Variants in NEMP2 observed in about 807,000 individuals in gnomAD.
NEMP2 encodes UPF0571 transmembrane protein.
A neutral mutation model predicts 54.2 loss-of-function variants in NEMP2; 53 were observed. The observed-to-expected ratio is 0.98, with a 90% CI of 0.78 to 1.23. The LOEUF (loss-of-function observed/expected upper bound fraction) is 1.23. NEMP2 is among the 50% of genes most tolerant of loss of function. The probability of loss-of-function intolerance (pLI) is 0.00; values close to 1 mark genes in which losing one functional copy is unlikely to be tolerated. For missense variants in NEMP2, 455 were observed against 511.3 expected (o/e 0.89, Z 1.06); for synonymous variants, 197 against 190.3 (o/e 1.04, Z -0.29).
At chr2:190,464,119 C>T in the NEMP2 span, among the ~76,000 whole-genome samples, 5 of 152,188 alleles carry the variant, frequency 3.3e-5, no homozygotes, top group Admixed American at 2.6e-4. Context: ...ACCCTGGCCT[C>T]GAGCAACCTT....
the NEMP2 span, chr2:190,553,340 C>G: frequency 6.6e-6 from 1 of 152,202 alleles, no homozygotes; most frequent in Admixed American, 6.5e-5. Flanking sequence ...AAAGTGTTCA[C>G]TTTTCCACCA....
the NEMP2 span, among the ~76,000 whole-genome samples, chr2:190,485,355 A>G: frequency 6.6e-6 from 1 of 152,196 alleles, no homozygotes; most frequent in African/African-American, 2.4e-5. This position sits in a 1 kb window ranked among gnomAD's most constrained non-coding sequence, Gnocchi z 5.1. Flanking sequence ...TACACATAAC[A>G]AGAGGTTTGG....
chr2:190,436,649 A>G, the NEMP2 span: 3 of 1,614,218 alleles, frequency 1.9e-6, no homozygotes, highest in South Asian at 1.1e-5. The surrounding 1 kb of genome is among the most constrained non-coding windows in gnomAD (Gnocchi z 5.3). Context: ...ACAAGGCTCA[A>G]TGTCTCAGAC....
At chr2:190,502,628 T>C (rs906387058), downstream of NEMP2, among the ~76,000 whole-genome samples, 4 of 152,222 alleles carry the variant, frequency 2.6e-5, no homozygotes, top group Non-Finnish European at 5.9e-5. The surrounding 1 kb of genome is among the most constrained non-coding windows in gnomAD (Gnocchi z 4.4). Flanking sequence ...AATCCTGCCA[T>C]GGGTCACATG....
chr2:190,500,048 G>T (rs749101027), downstream of NEMP2: 35 of 1,614,060 alleles, frequency 2.2e-5, no homozygotes, highest in Non-Finnish European at 2.9e-5. The surrounding 1 kb of genome is among the most constrained non-coding windows in gnomAD (Gnocchi z 5.3). Flanking sequence ...TTCTCCTGCT[G>T]GTAGAGCCCA....
At chr2:190,481,099 A>G in the NEMP2 span, among the ~76,000 whole-genome samples, 1 of 152,198 alleles carries the variant, frequency 6.6e-6, no homozygotes, top group Non-Finnish European at 1.5e-5. Flanking sequence ...AGCAGTTCTC[A>G]TGTGTGGCTT....
chr2:190,643,086 T>C, the NEMP2 span, among the ~76,000 whole-genome samples: 1 of 142,812 alleles, frequency 7.0e-6, no homozygotes, highest in Non-Finnish European at 1.5e-5. Context: ...GCTAAAATAA[T>C]GCACTAATCA....
downstream of NEMP2, chr2:190,501,132 TC>T (rs1690003806): frequency 6.6e-6 from 1 of 152,210 alleles, no homozygotes; most frequent in Admixed American, 6.5e-5. Context: ...TCCTAAGAGT[TC>T]CTTAAATAAG....
At chr2:190,629,088 C>T in the NEMP2 span, among the ~76,000 whole-genome samples, 15 of 152,256 alleles carry the variant, frequency 9.9e-5, no homozygotes, top group Admixed American at 9.8e-4. Context: ...GTCCTAGCTG[C>T]GCCTGGCCCT....
chr2:190,449,507 CA>C, the NEMP2 span, among the ~76,000 whole-genome samples: 1 of 152,016 alleles, frequency 6.6e-6, no homozygotes, highest in Admixed American at 6.6e-5. Flanking sequence ...CTGTGTCCAA[CA>C]ACTTTGATTT....
At chr2:190,636,449 A>T in the NEMP2 span, among the ~76,000 whole-genome samples, 1 of 152,240 alleles carries the variant, frequency 6.6e-6, no homozygotes, top group Admixed American at 6.5e-5. Context: ...GAAGAATACC[A>T]TATTGGAGGC....
chr2:190,488,802 G>A, the NEMP2 span: 10 of 1,572,030 alleles, frequency 6.4e-6, no homozygotes, highest in Non-Finnish European at 7.7e-6. This position sits in a 1 kb window ranked among gnomAD's most constrained non-coding sequence, Gnocchi z 6.4. Context: ...TCGGAGGCGT[G>A]TTAGTCAATT....
rs1205428040 is a variant in NEMP2, at chr2:190,514,653, G to A, written c.753C>T (p.Phe251=). 2 of 1,551,598 alleles carry A rather than the reference G, an allele frequency of 1.3e-6. No individual in the cohort carries two copies. The highest frequency in any genetic ancestry group is 1.7e-6 in the Non-Finnish European group (2 of 1,146,972). Residue 251 remains phenylalanine, a synonymous_variant, in exon 7 of 9, where the codon TTC becomes TTT. Coordinates refer to ENST00000409150, the MANE Select transcript of NEMP2 (RefSeq NM_001142645.2). This position sits in a 1 kb window ranked among gnomAD's most constrained non-coding sequence, Gnocchi z 5.7. ...VLGYVLIVGF[F]SFVVCYKHGP... ...CATGCTTGTAACAAACAACAAAGCT[G>A]AAAAATCCAACTATCAAGACATAGC...
the NEMP2 span, among the ~76,000 whole-genome samples, chr2:190,557,958 CAA>C: frequency 1.2e-4 from 18 of 152,196 alleles, no homozygotes; most frequent in Non-Finnish European, 1.3e-4. Flanking sequence ...TGTGACCTAA[CAA>C]TCCCATTCCT....
Position 190,517,592 on chromosome 2 carries a change from G to A in NEMP2, c.540C>T (p.Ser180=), listed in dbSNP as rs1253567635. The change falls in exon 5 of 9, where the codon TCC becomes TCT. Residue 180 remains serine (S), a synonymous_variant. Transcript: ENST00000409150. ...TLSQSPTFYY[S]SGTVLGVLMT... The stretch of plus-strand genomic sequence containing the variant: ...TTAGAACACCTAGCACAGTTCCCGA[G>A]GAGTAATAGAAAGTAGGGCTTCTGT... The A allele has an allele frequency of 6.5e-7, 1 of 1,549,178 alleles. No homozygotes were observed. Among genetic ancestry groups the A allele is most frequent in the Non-Finnish European group, 8.7e-7 (1 of 1,146,096 alleles).
rs781243169 is a variant in NEMP2, at chr2:190,509,359, G to A, written c.1131-47C>T. ...ATAAAGTTAATGTTATCTCAGGAAG[G>A]TTTATTTGAAAGATAACATGTTCCC... On this transcript the variant is annotated intron_variant, in intron 8 of 8. Transcript: ENST00000409150. This position sits in a 1 kb window ranked among gnomAD's most constrained non-coding sequence, Gnocchi z 6.1. 1 of 1,538,540 alleles carries A rather than the reference G, an allele frequency of 6.5e-7. No individual in the cohort carries two copies. Among genetic ancestry groups the A allele is most frequent in the Admixed American group, 2.0e-5 (1 of 50,654 alleles).
At chr2:190,551,970 C>T in the NEMP2 span, among the ~76,000 whole-genome samples, 1 of 152,160 alleles carries the variant, frequency 6.6e-6, no homozygotes, top group Non-Finnish European at 1.5e-5. Context: ...TGGTATTTCT[C>T]TTTAGTGTGA....
At position 190,529,398 on chromosome 2, in the gene NEMP2, A is replaced by G. The variant is rs10931459; in HGVS notation, c.98-4020T>C. Among the ~76,000 whole-genome samples the G allele has an allele frequency of 0.22, 34,124 of 151,778 alleles. 4,916 individuals are homozygous for G. Among genetic ancestry groups the G allele is most frequent in the South Asian group, 0.33 (1,572 of 4,792 alleles). On this transcript the variant is annotated intron_variant, in intron 1 of 8. Transcript: ENST00000409150. This position sits in a 1 kb window ranked among gnomAD's most constrained non-coding sequence, Gnocchi z 4.7. ...TCAAGATGCCAGCGAGCCCCCACAT[A>G]AAGTTTCCTCAGTCTGCTGCAACCT...
chr2:190,554,151 C>T, the NEMP2 span, among the ~76,000 whole-genome samples: 1 of 152,214 alleles, frequency 6.6e-6, no homozygotes, highest in Admixed American at 6.5e-5. The surrounding 1 kb of genome is among the most constrained non-coding windows in gnomAD (Gnocchi z 5.7). Flanking sequence ...CCACAGTCCT[C>T]ACAACCCACA....
Sources: gnomAD v4.1 joint callset for allele counts (sites outside exome capture counted in the v4.1 genomes callset) on GRCh38, gnomAD v4.1.1 for gene constraint, Gnocchi (gnomAD v3.1) non-coding constraint, MANE v1.5 for transcripts, NCBI Gene and HGNC (gene_info 2026-07-23, HGNC 2026-07-21) for gene names.